Variants in BTBD9 observed in about 807,000 individuals in gnomAD.
The protein encoded by BTBD9 is BTB/POZ domain-containing protein 9.
Under a neutral mutation model 64.3 loss-of-function variants are expected in BTBD9, and 49 were observed. That is an observed-to-expected ratio of 0.76 (90% CI 0.61 to 0.97). The LOEUF (loss-of-function observed/expected upper bound fraction) is 0.97. BTBD9 is among the 50% of genes least tolerant of loss of function. The probability of loss-of-function intolerance (pLI) is 0.00; values close to 1 mark genes in which losing one functional copy is unlikely to be tolerated. For missense variants in BTBD9, 598 were observed against 762.1 expected, an observed-to-expected ratio of 0.78 and a Z score of 2.53; for synonymous variants, 260 against 274.7, an observed-to-expected ratio of 0.95 and a Z score of 0.53.
chr6:38,251,982 T>C (rs1339288125), intron 9 of BTBD9, among the ~76,000 whole-genome samples: 2 of 151,524 alleles, frequency 1.3e-5, no homozygotes, highest in Non-Finnish European at 2.9e-5. Flanking sequence ...AGGGGTAAAA[T>C]GTAATTTTAA....
At chr6:38,312,546 T>G (rs147317620) in intron 7 of BTBD9, among the ~76,000 whole-genome samples, 1 of 152,180 alleles carries the variant, frequency 6.6e-6, no homozygotes, top group Non-Finnish European at 1.5e-5. Context: ...AGAGAGTAAA[T>G]TTATGTATTT....
At chr6:38,291,345 G>T (rs934665290) in intron 7 of BTBD9, among the ~76,000 whole-genome samples, 14 of 152,218 alleles carry the variant, frequency 9.2e-5, no homozygotes, top group Non-Finnish European at 1.9e-4. Flanking sequence ...CATTGATTTT[G>T]TAACCTGAGA....
chr6:38,323,869 T>TG (rs34566299), intron 7 of BTBD9, among the ~76,000 whole-genome samples: 51,498 of 152,022 alleles, frequency 0.34, 10,243 homozygotes, highest in Non-Finnish European at 0.47. Flanking sequence ...GAGGCCAAGG[T>TG]GGGAGGCTGC....
intron 6 of BTBD9, among the ~76,000 whole-genome samples, chr6:38,387,231 G>A (rs1216894684): frequency 6.6e-6 from 1 of 152,314 alleles, no homozygotes; most frequent in East Asian, 1.9e-4. Context: ...ACTATAGTAA[G>A]TCTAGGATAA....
chr6:38,303,996 A>G (rs937963322), intron 7 of BTBD9, among the ~76,000 whole-genome samples: 2 of 148,584 alleles, frequency 1.3e-5, no homozygotes, highest in African/African-American at 2.5e-5. Context: ...TATTCTTTCT[A>G]CTTTGATCTC....
At chr6:38,327,188 A>G (rs1475796866) in intron 7 of BTBD9, among the ~76,000 whole-genome samples, 5 of 152,196 alleles carry the variant, frequency 3.3e-5, no homozygotes, top group African/African-American at 1.2e-4. Context: ...TTAAAAAAAA[A>G]TAAGTATCTA....
At chr6:38,449,174 G>C (rs1294503328) in intron 6 of BTBD9, among the ~76,000 whole-genome samples, 3 of 152,154 alleles carry the variant, frequency 2.0e-5, no homozygotes, top group Admixed American at 2.0e-4. Flanking sequence ...TGTTTTTCAA[G>C]GGGGAAGAGC....
rs568300066 is a variant in BTBD9, at chr6:38,502,310, A to G, written c.1154+75290T>C. ...TTAATTTACCTTCATTTTGCTACCC[A>G]CGAAACAATATGAGTACATTTTTTT... On this transcript the variant is annotated intron_variant, in intron 6 of 10. Transcript: ENST00000481247. Among the ~76,000 whole-genome samples the G allele has an allele frequency of 2.4e-4, 36 of 152,338 alleles. No individual in the cohort carries two copies. The South Asian group carries it at 4.8e-3, about 20-fold the overall frequency.
At chr6:38,258,613 G>T (rs919499403) in intron 8 of BTBD9, among the ~76,000 whole-genome samples, 5 of 152,094 alleles carry the variant, frequency 3.3e-5, no homozygotes. Flanking sequence ...AATAATGGCC[G>T]GGCGCAGTGG....
At chr6:38,274,163 T>C (rs1171333760) in intron 8 of BTBD9, among the ~76,000 whole-genome samples, 1 of 152,232 alleles carries the variant, frequency 6.6e-6, no homozygotes, top group Admixed American at 6.5e-5. Context: ...AGTTCACTCA[T>C]GATTTGGCTC....
chr6:38,499,177 T>G (rs1772088266), intron 6 of BTBD9, among the ~76,000 whole-genome samples: 1 of 151,856 alleles, frequency 6.6e-6, no homozygotes. Context: ...TATTAACAAA[T>G]TAAGCACTTT....
chr6:38,608,182 TG>T (rs769269645), intron 1 of BTBD9, among the ~76,000 whole-genome samples: 2 of 152,190 alleles, frequency 1.3e-5, no homozygotes, highest in Non-Finnish European at 2.9e-5. Flanking sequence ...CTTTTAGGAA[TG>T]ACAAGTCATA....
chr6:38,412,328 T>C (rs937598099), intron 6 of BTBD9, among the ~76,000 whole-genome samples: 6 of 151,946 alleles, frequency 3.9e-5, no homozygotes, highest in Non-Finnish European at 8.8e-5. Context: ...TCGGCAAGCA[T>C]CCCCAAAACA....
intron 6 of BTBD9, among the ~76,000 whole-genome samples, chr6:38,395,111 C>T (rs994645989): frequency 7.2e-5 from 11 of 152,046 alleles, no homozygotes; most frequent in Admixed American, 6.6e-5. Context: ...GAGGAGCCCT[C>T]ATGAATGAGA....
intron 9 of BTBD9, among the ~76,000 whole-genome samples, chr6:38,205,917 G>A (rs1032549201): frequency 9.2e-6 from 1 of 108,138 alleles, no homozygotes; most frequent in Non-Finnish European, 2.0e-5. Context: ...AGGAAGTTAT[G>A]GGATCCACAA....
chr6:38,448,106 C>G (rs1291425719), intron 6 of BTBD9, among the ~76,000 whole-genome samples: 1 of 152,178 alleles, frequency 6.6e-6, no homozygotes, highest in Non-Finnish European at 1.5e-5. Context: ...CGGGAGGAAC[C>G]AAAGGGATGG....
intron 8 of BTBD9, among the ~76,000 whole-genome samples, chr6:38,261,371 C>T (rs1443622557): frequency 6.6e-6 from 1 of 152,028 alleles, no homozygotes; most frequent in Non-Finnish European, 1.5e-5. Flanking sequence ...TACTTCTATT[C>T]CCCCCAACCC....
intron 7 of BTBD9, among the ~76,000 whole-genome samples, chr6:38,334,617 TAAC>T (rs1763814662): frequency 2.1e-5 from 3 of 143,340 alleles, no homozygotes; most frequent in Non-Finnish European, 4.5e-5. Flanking sequence ...TAACATAACA[TAAC>T]ATAACATAAA....
chr6:38,334,478 TG>T (rs1472453260), intron 7 of BTBD9, among the ~76,000 whole-genome samples: 1 of 152,044 alleles, frequency 6.6e-6, no homozygotes, highest in East Asian at 1.9e-4. Flanking sequence ...GAGAATCACT[TG>T]AACCCAGGAG....
Sources: allele counts gnomAD v4.1 joint callset (sites outside exome capture counted in the v4.1 genomes callset), GRCh38; gene constraint gnomAD v4.1.1; transcripts MANE v1.5; gene names NCBI Gene and HGNC (gene_info 2026-07-23, HGNC 2026-07-21).